The following MAP7 variants were observed in gnomAD, a reference collection of about 807,000 sequenced individuals.
MAP7 encodes ensconsin.
MAP7 carries 52 observed loss-of-function variants against 94.8 expected under a neutral mutation model. The observed-to-expected ratio is 0.55, with a 90% CI of 0.44 to 0.69. The LOEUF (loss-of-function observed/expected upper bound fraction) is 0.69, where lower values mean the gene tolerates loss of function less well. MAP7 is among the 30% of genes least tolerant of loss of function. The pLI is 0.00. For synonymous variants in MAP7, 350 were observed against 357.0 expected (o/e 0.98, Z 0.22); for missense variants, 940 against 964.6 (o/e 0.97, Z 0.34).
chr6:136,380,478 G>A (rs1196887032), intron 6 of MAP7, among the ~76,000 whole-genome samples: 1 of 152,220 alleles, frequency 6.6e-6, no homozygotes, highest in East Asian at 1.9e-4. Context: ...AAGCCTGTGA[G>A]CAGAATTTAT....
intron 4 of MAP7, among the ~76,000 whole-genome samples, chr6:136,388,742 C>T (rs1039055578): frequency 6.6e-6 from 1 of 152,162 alleles, no homozygotes; most frequent in African/African-American, 2.4e-5. Context: ...TTCAAATAAA[C>T]GACCCTTACT....
At chr6:136,420,355 G>A (rs948247712) in intron 2 of MAP7, 1 of 634,524 alleles carries the variant, frequency 1.6e-6, no homozygotes, top group East Asian at 2.7e-5. Flanking sequence ...GCCCGGCCGC[G>A]AAGTGGGCCA....
chr6:136,474,272 G>A (rs979878016), intron 1 of MAP7, among the ~76,000 whole-genome samples: 10 of 152,176 alleles, frequency 6.6e-5, no homozygotes, highest in African/African-American at 2.4e-4. Context: ...AAGCTTTAAG[G>A]AGAAGAGTGC....
At chr6:136,354,558 T>C (rs1218247479) in intron 16 of MAP7, among the ~76,000 whole-genome samples, 1 of 151,102 alleles carries the variant, frequency 6.6e-6, no homozygotes, top group African/African-American at 2.4e-5. Context: ...CTTATTCTTA[T>C]ATTCTGATGT....
chr6:136,369,123 G>A (rs1459789477), intron 8 of MAP7, among the ~76,000 whole-genome samples: 1 of 152,196 alleles, frequency 6.6e-6, no homozygotes, highest in Non-Finnish European at 1.5e-5. Flanking sequence ...CATATAACTG[G>A]AAATGTGAAA....
At chr6:136,454,293 ATCTATC>A (rs1562419096) in intron 1 of MAP7, among the ~76,000 whole-genome samples, 2 of 151,382 alleles carry the variant, frequency 1.3e-5, no homozygotes, top group African/African-American at 4.9e-5. Flanking sequence ...CTATCTATCT[ATCTATC>A]TATCTATCTA....
At chr6:136,487,643 AG>A in intron 1 of MAP7, among the ~76,000 whole-genome samples, 1 of 152,244 alleles carries the variant, frequency 6.6e-6, no homozygotes, top group South Asian at 2.1e-4. Context: ...CAGGAGTTCG[AG>A]GCTGCAATGA....
intron 2 of MAP7, among the ~76,000 whole-genome samples, chr6:136,411,927 G>A (rs1235541111): frequency 3.3e-5 from 5 of 152,122 alleles, no homozygotes; most frequent in Non-Finnish European, 5.9e-5. Context: ...AAATCATGAC[G>A]TAACTATAGC....
intron 2 of MAP7, among the ~76,000 whole-genome samples, chr6:136,419,286 G>A (rs1790490779): frequency 6.6e-6 from 1 of 152,136 alleles, no homozygotes; most frequent in South Asian, 2.1e-4. Flanking sequence ...GGATATAAAA[G>A]TATAAACTGC....
intron 1 of MAP7, among the ~76,000 whole-genome samples, chr6:136,425,572 TTATA>T (rs1325626712): frequency 6.6e-6 from 1 of 152,094 alleles, no homozygotes. Flanking sequence ...TTGTATATAT[TTATA>T]TATATTTATT....
At chr6:136,505,629 G>A (rs1350478362) in intron 1 of MAP7, among the ~76,000 whole-genome samples, 1 of 151,958 alleles carries the variant, frequency 6.6e-6, no homozygotes, top group African/African-American at 2.4e-5. Flanking sequence ...AGGAACAGCA[G>A]ACACTGGGGC....
intron 2 of MAP7, among the ~76,000 whole-genome samples, chr6:136,416,939 G>T (rs949029434): frequency 6.6e-6 from 1 of 152,086 alleles, no homozygotes; most frequent in South Asian, 2.1e-4. Flanking sequence ...TTGAAAAAGG[G>T]AGACCTCATC....
chr6:136,457,260 A>C (rs2075414300), intron 1 of MAP7, among the ~76,000 whole-genome samples: 1 of 151,846 alleles, frequency 6.6e-6, no homozygotes, highest in Admixed American at 6.6e-5. Flanking sequence ...ATGAAGAAAT[A>C]AAATATCTGA....
At chr6:136,366,227 C>G (rs1794285039) in intron 9 of MAP7, 100 bp downstream of exon 9, 4 of 1,144,296 alleles carry the variant, frequency 3.5e-6, no homozygotes, top group Non-Finnish European at 5.2e-6. Flanking sequence ...TTCCCTAAGT[C>G]AAAGCCAAAC....
At chr6:136,375,228 C>T (rs571316115) in intron 7 of MAP7, among the ~76,000 whole-genome samples, 37 of 152,280 alleles carry the variant, frequency 2.4e-4, no homozygotes, top group African/African-American at 8.9e-4. Flanking sequence ...CTAGTCTAAG[C>T]ATTGCATATA....
chr6:136,494,244 A>G (rs1218655733), intron 1 of MAP7, among the ~76,000 whole-genome samples: 1 of 152,228 alleles, frequency 6.6e-6, no homozygotes, highest in Non-Finnish European at 1.5e-5. Context: ...GCTACAAGAA[A>G]GGCTGCATTC....
At chr6:136,455,577 A>G (rs1317142717) in intron 1 of MAP7, among the ~76,000 whole-genome samples, 1 of 152,220 alleles carries the variant, frequency 6.6e-6, no homozygotes, top group Non-Finnish European at 1.5e-5. Flanking sequence ...TGAATTTAAG[A>G]AGACTGAAAT....
At chr6:136,516,170 T>A (rs1408898543) in intron 1 of MAP7, among the ~76,000 whole-genome samples, 1 of 152,100 alleles carries the variant, frequency 6.6e-6, no homozygotes, top group African/African-American at 2.4e-5. Flanking sequence ...GACAATTTTT[T>A]TTTTTTTTGA....
intron 16 of MAP7, among the ~76,000 whole-genome samples, chr6:136,355,755 C>T (rs754958098): frequency 2.0e-5 from 3 of 152,160 alleles, no homozygotes; most frequent in African/African-American, 4.8e-5. Flanking sequence ...AAGTAGATTT[C>T]CCAAATTTAA....
Sources: gnomAD v4.1 joint callset for allele counts (sites outside exome capture counted in the v4.1 genomes callset) on GRCh38, gnomAD v4.1.1 for gene constraint, MANE v1.5 for transcripts, NCBI Gene and HGNC (gene_info 2026-07-23, HGNC 2026-07-21) for gene names.